The following AKT3 variants were observed in gnomAD, a reference collection of about 807,000 sequenced individuals.
The protein encoded by AKT3 is AKT serine/threonine kinase 3.
Under a neutral mutation model 65.3 loss-of-function variants are expected in AKT3, and 15 were observed. That is an observed-to-expected ratio of 0.23 (90% CI 0.15 to 0.35). AKT3 has a LOEUF of 0.35. AKT3 is among the 10% of genes least tolerant of loss of function. The probability of loss-of-function intolerance (pLI) is 1.00; values close to 1 mark genes in which losing one functional copy is unlikely to be tolerated. For missense variants in AKT3, 243 were observed against 576.5 expected, an observed-to-expected ratio of 0.42 and a Z score of 5.92; for synonymous variants, 206 against 183.8, an observed-to-expected ratio of 1.12 and a Z score of -0.98.
chr1:243,829,564 CAT>C (rs1694374369), intron 2 of AKT3, among the ~76,000 whole-genome samples: 1 of 152,122 alleles, frequency 6.6e-6, no homozygotes, highest in African/African-American at 2.4e-5. Context: ...AAAATTTATA[CAT>C]GTTTAAGGAT....
At chr1:243,840,524 C>T (rs1421543407) in intron 2 of AKT3, among the ~76,000 whole-genome samples, 1 of 152,086 alleles carries the variant, frequency 6.6e-6, no homozygotes, top group Non-Finnish European at 1.5e-5. Context: ...AAAATAAATC[C>T]ATTTGCTCTC....
chr1:243,763,787 T>C (rs1689643831), intron 2 of AKT3, among the ~76,000 whole-genome samples: 1 of 152,146 alleles, frequency 6.6e-6, no homozygotes, highest in Non-Finnish European at 1.5e-5. Flanking sequence ...AGAAAGTTAT[T>C]TGCTTACTAA....
At chr1:243,729,303 G>A (rs1047306534) in intron 2 of AKT3, among the ~76,000 whole-genome samples, 19 of 152,094 alleles carry the variant, frequency 1.2e-4, no homozygotes, top group East Asian at 1.9e-4. Flanking sequence ...TTTATATGCC[G>A]GTGTGAATGA....
At chr1:243,828,089 C>CAAA (rs1403751256) in intron 2 of AKT3, among the ~76,000 whole-genome samples, 3 of 151,740 alleles carry the variant, frequency 2.0e-5, no homozygotes, top group Admixed American at 6.6e-5. Flanking sequence ...ACAACAACAA[C>CAAA]AAAACTTAAA....
At chr1:243,547,267 T>A (rs1327501312) in intron 11 of AKT3, among the ~76,000 whole-genome samples, 3 of 152,204 alleles carry the variant, frequency 2.0e-5, no homozygotes, top group Non-Finnish European at 4.4e-5. Flanking sequence ...CAGACATAAC[T>A]AATCTCAAAA....
intron 2 of AKT3, among the ~76,000 whole-genome samples, chr1:243,708,304 A>T (rs1216911783): frequency 6.6e-6 from 1 of 152,030 alleles, no homozygotes; most frequent in Non-Finnish European, 1.5e-5. Context: ...CAAATAAATA[A>T]TTTTGAGTAC....
At chr1:243,663,287 G>A (rs1682512441) in intron 4 of AKT3, among the ~76,000 whole-genome samples, 1 of 152,206 alleles carries the variant, frequency 6.6e-6, no homozygotes, top group Non-Finnish European at 1.5e-5. Context: ...CAGAGGTTTT[G>A]TAGGAAAAAT....
At chr1:243,670,633 A>G (rs992497305) in intron 3 of AKT3, among the ~76,000 whole-genome samples, 2 of 152,250 alleles carry the variant, frequency 1.3e-5, no homozygotes, top group East Asian at 1.9e-4. Flanking sequence ...TACGATTTTT[A>G]GAATCATTTA....
chr1:243,538,451 A>C (rs867018762), intron 12 of AKT3, among the ~76,000 whole-genome samples: 16 of 152,256 alleles, frequency 1.1e-4, no homozygotes, highest in Middle Eastern at 3.4e-3. Flanking sequence ...CATTAAGTAC[A>C]TTAAATGAAA....
intron 2 of AKT3, among the ~76,000 whole-genome samples, chr1:243,719,382 G>A (rs1686731729): frequency 6.6e-6 from 1 of 151,998 alleles, no homozygotes; most frequent in Non-Finnish European, 1.5e-5. Flanking sequence ...TCATCTCATC[G>A]AGTTCCACAC....
chr1:243,683,801 C>T (rs1333118027), intron 3 of AKT3, among the ~76,000 whole-genome samples: 1 of 152,122 alleles, frequency 6.6e-6, no homozygotes, highest in African/African-American at 2.4e-5. Flanking sequence ...TAAAAACAAT[C>T]CCCATTGCAT....
At chr1:243,647,339 A>C (rs557009057) in intron 4 of AKT3, among the ~76,000 whole-genome samples, 1 of 152,318 alleles carries the variant, frequency 6.6e-6, no homozygotes, top group East Asian at 1.9e-4. Flanking sequence ...AATTGTCTAT[A>C]GTATTCAGTA....
chr1:243,645,074 G>A (rs966468552), intron 5 of AKT3, among the ~76,000 whole-genome samples: 3 of 152,102 alleles, frequency 2.0e-5, no homozygotes, highest in South Asian at 2.1e-4. Context: ...CAAGTTTAAC[G>A]TGGAAAAGGG....
intron 8 of AKT3, among the ~76,000 whole-genome samples, chr1:243,589,474 C>A (rs1676071173): frequency 6.6e-6 from 1 of 151,902 alleles, no homozygotes; most frequent in African/African-American, 2.4e-5. Context: ...CAAATCAAAA[C>A]CACAATGAGA....
At chr1:243,744,204 C>T (rs1043643601) in intron 2 of AKT3, among the ~76,000 whole-genome samples, 5 of 152,034 alleles carry the variant, frequency 3.3e-5, no homozygotes, top group Admixed American at 3.3e-4. Flanking sequence ...TTGAAAAAGC[C>T]GCCATATGAT....
intron 2 of AKT3, among the ~76,000 whole-genome samples, chr1:243,733,353 G>C (rs188636788): frequency 2.0e-5 from 3 of 152,196 alleles, no homozygotes; most frequent in Admixed American, 2.0e-4. Context: ...GACTAGAAGA[G>C]GAAAAGGGGA....
intron 10 of AKT3, among the ~76,000 whole-genome samples, chr1:243,562,621 C>T (rs942557252): frequency 6.6e-6 from 1 of 152,132 alleles, no homozygotes; most frequent in African/African-American, 2.4e-5. Flanking sequence ...CCAAAGAAGT[C>T]TGACTGCATT....
chr1:243,755,461 G>T (rs1352456610), intron 2 of AKT3, among the ~76,000 whole-genome samples: 1 of 152,008 alleles, frequency 6.6e-6, no homozygotes, highest in Non-Finnish European at 1.5e-5. Flanking sequence ...GAAATTGAGG[G>T]TTTAAAGTGT....
At chr1:243,577,646 G>A (rs2148517144) in intron 8 of AKT3, among the ~76,000 whole-genome samples, 1 of 152,264 alleles carries the variant, frequency 6.6e-6, no homozygotes, top group South Asian at 2.1e-4. Context: ...AATGTTTCAT[G>A]ATGACAACAT....
Sources: allele counts gnomAD v4.1 joint callset (sites outside exome capture counted in the v4.1 genomes callset), GRCh38; gene constraint gnomAD v4.1.1; transcripts MANE v1.5; gene names NCBI Gene and HGNC (gene_info 2026-07-23, HGNC 2026-07-21).